The following FSIP1 variants were observed in gnomAD, a reference collection of about 807,000 sequenced individuals.
The protein encoded by FSIP1 is fibrous sheath interacting protein 1, also known as fibrous sheath-interacting protein 1.
FSIP1 carries 65 observed loss-of-function variants against 60.9 expected under a neutral mutation model. That is an observed-to-expected ratio of 1.07 (90% confidence interval 0.87 to 1.31). The LOEUF is 1.31. Among genes scored for constraint, FSIP1 ranks in the 40% most tolerant of loss-of-function variants. FSIP1 has a pLI of 0.00. For synonymous variants in FSIP1, 209 were observed against 221.2 expected (o/e 0.94, Z 0.49); for missense variants, 675 against 665.5 (o/e 1.01, Z -0.16).
chr15:39,632,080 TGTG>T (rs1246547393), intron 10 of FSIP1, among the ~76,000 whole-genome samples: 1 of 152,228 alleles, frequency 6.6e-6, no homozygotes, highest in Middle Eastern at 3.2e-3. Flanking sequence ...AGATGTTCAA[TGTG>T]GTGGTTGTCG....
At chr15:39,698,086 T>C (rs1894893393) in intron 10 of FSIP1, among the ~76,000 whole-genome samples, 1 of 151,542 alleles carries the variant, frequency 6.6e-6, no homozygotes, top group Non-Finnish European at 1.5e-5. Flanking sequence ...ACTAGCCACA[T>C]GGGGCAATGG....
chr15:39,740,027 A>T (rs886822032), intron 6 of FSIP1, among the ~76,000 whole-genome samples: 2 of 152,246 alleles, frequency 1.3e-5, no homozygotes, highest in South Asian at 4.1e-4. Flanking sequence ...ATTATCATGT[A>T]TCAAACTTCT....
chr15:39,726,740 T>A lies in FSIP1; in HGVS notation c.899A>T (p.Gln300Leu), dbSNP rs917776468. The change falls in exon 9 of 12, where the codon CAG becomes CTG. Residue 300 changes from glutamine to leucine, a missense_variant. Physicochemically the swap from Gln to Leu is moderately radical, Grantham distance 113. Coordinates refer to ENST00000350221, the MANE Select transcript of FSIP1 (RefSeq NM_152597.5). The part of the protein sequence containing the change: ...DSGLSSSEGD[Q>L]SGWVVPVKGY... ...TTTTACTGGGACCACCCAGCCAGAC[T>A]GATCACCCTAAGAGGAAACAAGGGT... is the stretch of plus-strand genomic sequence containing the variant. 1 of 1,613,762 alleles carries A rather than the reference T, an allele frequency of 6.2e-7. No homozygotes were observed. The highest frequency in any genetic ancestry group is 8.5e-7 in the Non-Finnish European group (1 of 1,179,926).
intron 10 of FSIP1, among the ~76,000 whole-genome samples, chr15:39,667,346 C>T (rs1330532311): frequency 2.0e-5 from 3 of 151,908 alleles, no homozygotes; most frequent in Non-Finnish European, 2.9e-5. Context: ...AGAGTAAAGG[C>T]CTGGTTCTTA....
At chr15:39,628,400 C>A (rs905899568) in intron 10 of FSIP1, among the ~76,000 whole-genome samples, 1 of 152,170 alleles carries the variant, frequency 6.6e-6, no homozygotes, top group Non-Finnish European at 1.5e-5. Context: ...ACTGCGAAGA[C>A]GTAGGAGGCC....
chr15:39,673,750 A>T (rs1340874860), intron 10 of FSIP1, among the ~76,000 whole-genome samples: 1 of 152,136 alleles, frequency 6.6e-6, no homozygotes, highest in Admixed American at 6.5e-5. Flanking sequence ...ACCTGACACA[A>T]GAACTAGAAC....
chr15:39,653,398 C>T (rs1411972198), intron 10 of FSIP1, among the ~76,000 whole-genome samples: 1 of 152,116 alleles, frequency 6.6e-6, no homozygotes, highest in African/African-American at 2.4e-5. Flanking sequence ...CTCAGCTTAA[C>T]ATAACTTTTT....
chr15:39,641,707 A>G (rs1595563375), intron 10 of FSIP1, among the ~76,000 whole-genome samples: 1 of 152,214 alleles, frequency 6.6e-6, no homozygotes, highest in East Asian at 1.9e-4. Flanking sequence ...CCACTTTACC[A>G]TTTACATGAT....
intron 10 of FSIP1, among the ~76,000 whole-genome samples, chr15:39,694,630 T>A (rs761742173): frequency 1.4e-4 from 21 of 151,760 alleles, no homozygotes; most frequent in Non-Finnish European, 2.4e-4. Flanking sequence ...GGGAACGCCG[T>A]CTCTACTAAA....
intron 10 of FSIP1, among the ~76,000 whole-genome samples, chr15:39,683,192 C>T (rs1488378951): frequency 6.6e-6 from 1 of 152,108 alleles, no homozygotes; most frequent in Non-Finnish European, 1.5e-5. Context: ...TGGCTGGTCC[C>T]TTATTAGAGA....
intron 10 of FSIP1, among the ~76,000 whole-genome samples, chr15:39,650,151 T>G (rs1383293757): frequency 6.6e-6 from 1 of 152,228 alleles, no homozygotes; most frequent in African/African-American, 2.4e-5. Flanking sequence ...CAAACTCAGT[T>G]GGACAGGTTT....
downstream of FSIP1, chr15:39,599,111 G>C (rs1890551505): frequency 6.6e-6 from 1 of 152,072 alleles, no homozygotes; most frequent in Non-Finnish European, 1.5e-5. Flanking sequence ...TTTTAGTAAA[G>C]ACGGGGTTTC....
intron 10 of FSIP1, among the ~76,000 whole-genome samples, chr15:39,677,806 G>A (rs1204357581): frequency 2.0e-5 from 3 of 152,104 alleles, no homozygotes; most frequent in Non-Finnish European, 4.4e-5. Context: ...GACCATCCTG[G>A]CCAACATGGT....
chr15:39,630,196 A>G (rs1227149122), intron 10 of FSIP1, among the ~76,000 whole-genome samples: 1 of 152,216 alleles, frequency 6.6e-6, no homozygotes, highest in Admixed American at 6.5e-5. Context: ...ACATTTGCCA[A>G]TCTGAACGTG....
intron 10 of FSIP1, among the ~76,000 whole-genome samples, chr15:39,707,707 G>T (rs549748934): frequency 1.3e-4 from 20 of 152,150 alleles, no homozygotes; most frequent in Non-Finnish European, 2.2e-4. Flanking sequence ...GCCCTATGAG[G>T]TGAGTGTTAC....
chr15:39,602,241 T>C (rs1420022654), intron 11 of FSIP1: 9 of 437,258 alleles, frequency 2.1e-5, no homozygotes, highest in Non-Finnish European at 3.7e-5. Context: ...AGGGAGGCAA[T>C]GTGAAGACGG....
intron 10 of FSIP1, among the ~76,000 whole-genome samples, chr15:39,667,968 C>G (rs987649315): frequency 6.6e-6 from 1 of 152,038 alleles, no homozygotes; most frequent in African/African-American, 2.4e-5. Context: ...TTATTAAAGT[C>G]CTGAGAAGCA....
chr15:39,717,502 T>C (rs150089602), intron 9 of FSIP1, among the ~76,000 whole-genome samples: 1 of 152,270 alleles, frequency 6.6e-6, no homozygotes, highest in East Asian at 1.9e-4. Context: ...ATATTCATGC[T>C]CAAAGACTAA....
intron 11 of FSIP1, among the ~76,000 whole-genome samples, chr15:39,617,090 G>A (rs1404074328): frequency 6.6e-6 from 1 of 152,174 alleles, no homozygotes; most frequent in Non-Finnish European, 1.5e-5. Flanking sequence ...AGATAGAAAT[G>A]TAATAGCCAA....
Sources: gnomAD v4.1 joint callset for allele counts (sites outside exome capture counted in the v4.1 genomes callset) on GRCh38, gnomAD v4.1.1 for gene constraint, MANE v1.5 for transcripts, NCBI Gene and HGNC (gene_info 2026-07-23, HGNC 2026-07-21) for gene names.